SLC23A2: variants seen among roughly 807,000 people sequenced by gnomAD.
The protein encoded by SLC23A2 is solute carrier family 23 member 2, also known as Na(+)/L-ascorbic acid transporter 2.
A neutral mutation model predicts 73.3 loss-of-function variants in SLC23A2; 36 were observed. The ratio of observed to expected loss-of-function variants is 0.49; its 90% CI spans 0.38 to 0.65. The LOEUF (loss-of-function observed/expected upper bound fraction) is 0.65. Among genes scored for constraint, SLC23A2 ranks in the 30% least tolerant of loss-of-function variants. The probability of loss-of-function intolerance (pLI) is 0.00; values close to 1 mark genes in which losing one functional copy is unlikely to be tolerated. For synonymous variants in SLC23A2, 343 were observed against 327.3 expected (o/e 1.05, Z -0.52); for missense variants, 507 against 841.6 (o/e 0.60, Z 4.92).
At chr20:4,990,811 T>C (rs967327484) in intron 1 of SLC23A2, among the ~76,000 whole-genome samples, 1 of 150,302 alleles carries the variant, frequency 6.7e-6, no homozygotes, top group African/African-American at 2.4e-5. Context: ...GGTGAAACCC[T>C]GTCTTTACTA....
In SLC23A2 at chr20:4,862,700, A is replaced by C; in HGVS notation, c.1486+78T>G. 7.7e-7 allele frequency: 1 copy of C among 1,299,146 alleles called. No individual in the cohort carries two copies. The highest frequency in any genetic ancestry group is 1.1e-6 in the Non-Finnish European group (1 of 927,688). The allele number at this position is 1,299,146 out of a possible 1,614,324, so 80.5% of individuals were successfully genotyped here. ...AAATTTATCGTTACCTTCTTACTGAAGGGAGTCAGCAAAAACACCATGACC... is the reference window on the plus strand; with the variant it reads ...AAATTTATCGTTACCTTCTTACTGACGGGAGTCAGCAAAAACACCATGACC... On this transcript the variant is annotated intron_variant, in intron 14 of 16. Transcript: ENST00000338244. The surrounding 1 kb of genome is among the most constrained non-coding windows in gnomAD (Gnocchi z 5.1).
chr20:4,931,682 T>C (rs555458349), intron 3 of SLC23A2, among the ~76,000 whole-genome samples: 33 of 151,996 alleles, frequency 2.2e-4, no homozygotes, highest in African/African-American at 7.0e-4. Flanking sequence ...GATGGGAAGA[T>C]AGTTCAAGCC....
At chr20:4,878,673 A>C (rs1425734866) in intron 9 of SLC23A2, among the ~76,000 whole-genome samples, 2 of 152,258 alleles carry the variant, frequency 1.3e-5, no homozygotes, top group Non-Finnish European at 2.9e-5. Context: ...ACTGAAATAC[A>C]ATTTGATATA....
chr20:4,947,206 G>T lies in SLC23A2; in HGVS notation c.-154-14490C>A, dbSNP rs1568636999. On this transcript the variant is annotated intron_variant, in intron 2 of 16. Coordinates refer to ENST00000338244, the MANE Select transcript of SLC23A2 (RefSeq NM_005116.6). This position sits in a 1 kb window ranked among gnomAD's most constrained non-coding sequence, Gnocchi z 4.4. Reference sequence around the variant, plus strand: ...AATGAGATGGCAGCAGGGACACAGTGTCCAATGCATAAAAGGCATTCAAAT... The same window carrying T: ...AATGAGATGGCAGCAGGGACACAGTTTCCAATGCATAAAAGGCATTCAAAT... Among the ~76,000 whole-genome samples the T allele has an allele frequency of 6.6e-6, 1 of 152,128 alleles. No individual in the cohort carries two copies. The highest frequency in any genetic ancestry group is 1.5e-5 in the Non-Finnish European group (1 of 68,036).
chr20:5,007,105 C>T lies in SLC23A2; in HGVS notation c.-282+3077G>A, dbSNP rs1393095925. Among the ~76,000 whole-genome samples the T allele has an allele frequency of 3.3e-5, 5 of 152,064 alleles. No homozygotes were observed. The East Asian group carries it at 7.7e-4, about 23-fold the overall frequency. ...GCTGAATGATCTATGAGATAGGCACCGTATAGCATGTATACCACGTAGGCT... is the reference window on the plus strand; with the variant it reads ...GCTGAATGATCTATGAGATAGGCACTGTATAGCATGTATACCACGTAGGCT... On this transcript the variant is annotated intron_variant, in intron 1 of 16. Coordinates refer to the SLC23A2 transcript ENST00000379333.
In SLC23A2 at chr20:4,856,021, T is replaced by G. The variant is rs1022820604; in HGVS notation, c.*951A>C. 6.6e-6 allele frequency: 1 copy of G among 152,548 alleles called. No individual in the cohort carries two copies. Among genetic ancestry groups the G allele is most frequent in the African/African-American group, 2.4e-5 (1 of 41,408 alleles). 9.4% of individuals were successfully genotyped at this position (152,548 alleles called of 1,614,324 possible). ...AGGGATGCAAGGAAAGAGGGTCACATGGAAAACACTGATTTCCAAAATCTG... is the reference window on the plus strand; with the variant it reads ...AGGGATGCAAGGAAAGAGGGTCACAGGGAAAACACTGATTTCCAAAATCTG... On this transcript the variant is annotated 3_prime_UTR_variant, in exon 17 of 17. Coordinates refer to ENST00000338244, the MANE Select transcript of SLC23A2 (RefSeq NM_005116.6). The surrounding 1 kb of genome is among the most constrained non-coding windows in gnomAD (Gnocchi z 4.6).
At chr20:4,905,863 C>T (rs938970645) in intron 4 of SLC23A2, among the ~76,000 whole-genome samples, 1 of 145,458 alleles carries the variant, frequency 6.9e-6, no homozygotes, top group Admixed American at 7.1e-5. Flanking sequence ...TGGCTGTGTT[C>T]CAGCAAAACT....
At chr20:4,985,007 C>A (rs996360390) in intron 1 of SLC23A2, among the ~76,000 whole-genome samples, 1 of 151,912 alleles carries the variant, frequency 6.6e-6, no homozygotes, top group African/African-American at 2.4e-5. Context: ...CGTGGTGGCA[C>A]GTGCCTGTAG....
At chr20:4,995,316 G>A (rs557384626) in intron 1 of SLC23A2, among the ~76,000 whole-genome samples, 4 of 152,176 alleles carry the variant, frequency 2.6e-5, no homozygotes, top group Middle Eastern at 3.4e-3. Flanking sequence ...AAGAGGAGAC[G>A]GTCCTGCTCC....
chr20:4,961,115 T>C (rs190393511), intron 2 of SLC23A2, among the ~76,000 whole-genome samples: 7,086 of 149,054 alleles, frequency 0.048, 551 homozygotes, highest in African/African-American at 0.15. Flanking sequence ...TTTTCTTTTT[T>C]TTTTTTTTTT....
At chr20:4,952,103 C>CAAAAAA (rs57832305) in intron 2 of SLC23A2, among the ~76,000 whole-genome samples, 20 of 40,474 alleles carry the variant, frequency 4.9e-4, no homozygotes, top group South Asian at 3.1e-3. Context: ...GACTCTGACT[C>CAAAAAA]AAAAAAAAAA....
chr20:4,877,655 C>T (rs950640335), intron 9 of SLC23A2, among the ~76,000 whole-genome samples: 1 of 151,940 alleles, frequency 6.6e-6, no homozygotes, highest in African/African-American at 2.4e-5. Context: ...TTTCAAATAC[C>T]TAGAATTTAA....
rs6052971 is a variant in SLC23A2 at position 4,934,104 on chromosome 20, T to C, written c.-154-1388A>G. Among the ~76,000 whole-genome samples the C allele has an allele frequency of 2.4e-3, 365 of 152,328 alleles. 3 individuals carry two copies. The highest frequency in any genetic ancestry group is 8.6e-3 in the African/African-American group (357 of 41,582). On this transcript the variant is annotated intron_variant, in intron 2 of 16. Transcript: ENST00000338244. ...GTTCCATGAGTGGAATACGGAGAGC[T>C]AGGTACACACATCAAATTCTTCCGG... is the stretch of plus-strand genomic sequence containing the variant.
intron 4 of SLC23A2, among the ~76,000 whole-genome samples, chr20:4,904,332 T>A (rs1715384): frequency 0.47 from 72,224 of 152,058 alleles, 17,359 homozygotes; most frequent in East Asian, 0.54. Context: ...CTGGGAAAAC[T>A]GAACACTGCC....
chr20:4,967,439 T>G (rs565733517), intron 2 of SLC23A2, among the ~76,000 whole-genome samples: 7 of 152,328 alleles, frequency 4.6e-5, no homozygotes, highest in Non-Finnish European at 1.0e-4. Context: ...TCTTTCATAG[T>G]AACTGTTACA....
chr20:4,928,046 T>C (rs1307904618), intron 3 of SLC23A2, among the ~76,000 whole-genome samples: 1 of 152,162 alleles, frequency 6.6e-6, no homozygotes, highest in Non-Finnish European at 1.5e-5. Context: ...TCTTATTTTA[T>C]ATATATTTTG....
In SLC23A2 at chr20:4,932,624, A is replaced by G. The variant is rs1932802212; in HGVS notation, c.-62T>C. ...AGCAGCTGGAAGTGAAGGCTTATTC[A>G]AGCTAGGAGCCCAGGATCAGCCGGC... On this transcript the variant is annotated 5_prime_UTR_variant, in exon 3 of 17. The change abolishes the stop of an existing upstream ORF in the 5' untranslated region. Transcript: ENST00000338244. 1 of 915,484 alleles carries G rather than the reference A, an allele frequency of 1.1e-6. No homozygotes were observed. The highest frequency in any genetic ancestry group is 1.6e-5 in the African/African-American group (1 of 61,414). 56.7% of individuals were successfully genotyped at this position (915,484 alleles called of 1,614,324 possible).
At chr20:4,933,555 G>C (rs147717107) in intron 2 of SLC23A2, among the ~76,000 whole-genome samples, 1 of 152,162 alleles carries the variant, frequency 6.6e-6, no homozygotes, top group African/African-American at 2.4e-5. Flanking sequence ...CTTGAACCTG[G>C]AAGGCGGAGG....
rs78680047 is a variant in SLC23A2 at position 4,854,756 on chromosome 20, G to A, written c.*2216C>T. The A allele has an allele frequency of 6.6e-6, 1 of 152,206 alleles. No homozygotes were observed. The highest frequency in any genetic ancestry group is 1.9e-4 in the East Asian group (1 of 5,192). 9.4% of individuals were successfully genotyped at this position (152,206 alleles called of 1,614,324 possible). A position where few individuals can be genotyped will look rare whatever the true frequency, so the allele number is the denominator to read the frequency against. On this transcript the variant is annotated 3_prime_UTR_variant, in exon 17 of 17. Transcript: ENST00000338244. ...TCTGGATGACTAGAGCAGACACCTT[G>A]AGTGTTATGCAGCGGAAGACGCCCA...
Sources: allele counts gnomAD v4.1 joint callset (sites outside exome capture counted in the v4.1 genomes callset), GRCh38; gene constraint gnomAD v4.1.1; non-coding constraint Gnocchi (gnomAD v3.1); transcripts MANE v1.5; gene names NCBI Gene and HGNC (gene_info 2026-07-23, HGNC 2026-07-21).